The following CSN1S1 variants were observed in gnomAD, a reference collection of about 807,000 sequenced individuals.
CSN1S1 encodes the protein casein alpha s1, also known as alpha-S1-casein.
Under a neutral mutation model 49.1 loss-of-function variants are expected in CSN1S1, and 63 were observed. The observed-to-expected ratio is 1.28, with a 90% CI of 1.05 to 1.58. The LOEUF (loss-of-function observed/expected upper bound fraction) is 1.58. Ranked by LOEUF, CSN1S1 falls within the 40% of genes most tolerant of loss-of-function variation. The probability of loss-of-function intolerance (pLI) is 0.00; values close to 1 mark genes in which losing one functional copy is unlikely to be tolerated. For synonymous variants in CSN1S1, 78 were observed against 67.1 expected, an observed-to-expected ratio of 1.16 and a Z score of -0.79; for missense variants, 260 against 224.7, an observed-to-expected ratio of 1.16 and a Z score of -1.01.
rs1723171865 is a variant in CSN1S1, at chr4:69,946,512, T to C, written c.*316T>C. 5.8e-6 allele frequency: 1 copy of C among 172,380 alleles called. No individual in the cohort carries two copies. The highest frequency in any genetic ancestry group is 1.2e-5 in the Non-Finnish European group (1 of 81,770). The allele number at this position is 172,380 out of a possible 1,614,324, so 10.7% of individuals were successfully genotyped here. A position where few individuals can be genotyped will look rare whatever the true frequency, so the allele number is the denominator to read the frequency against. On this transcript the variant is annotated 3_prime_UTR_variant, in exon 16 of 16. Coordinates refer to ENST00000246891, the MANE Select transcript of CSN1S1 (RefSeq NM_001890.2). Reference sequence around the variant, plus strand: ...GTTCTGTAAGTGCCATCAATTAAAATAGTTTTGTGCAGTGACAGAGATTTT... The same window carrying C: ...GTTCTGTAAGTGCCATCAATTAAAACAGTTTTGTGCAGTGACAGAGATTTT...
chr4:69,937,665 T>C, intron 8 of CSN1S1, 135 bp from the exon 9 acceptor site: 1 of 662,678 alleles, frequency 1.5e-6, no homozygotes. Flanking sequence ...TAGGCAGTTT[T>C]TTTAGTTTTT....
intron 12 of CSN1S1, among the ~76,000 whole-genome samples, chr4:69,941,584 CA>C (rs1722968655): frequency 6.6e-6 from 1 of 151,832 alleles, no homozygotes; most frequent in South Asian, 2.1e-4. Flanking sequence ...TCAGTAACTA[CA>C]AACAAATTTG....
chr4:69,939,888 G>GT (rs1722918718), intron 10 of CSN1S1, 133 bp from the exon 11 acceptor site: 3 of 558,318 alleles, frequency 5.4e-6, no homozygotes, highest in Non-Finnish European at 9.5e-6. Context: ...TCTTGTCTCA[G>GT]TTTTTTGGGA....
intron 15 of CSN1S1, among the ~76,000 whole-genome samples, chr4:69,945,968 A>G (rs1723152351): frequency 1.3e-5 from 2 of 151,950 alleles, no homozygotes; most frequent in African/African-American, 4.8e-5. Context: ...GCATTGCCAT[A>G]TCTTCAGTAA....
intron 15 of CSN1S1, 112 bp from the exon 16 acceptor site, chr4:69,946,084 G>A (rs1229450381): frequency 2.9e-6 from 1 of 350,240 alleles, no homozygotes; most frequent in Non-Finnish European, 5.5e-6. Flanking sequence ...ATAACATTGT[G>A]AGCTTGTCTA....
intron 15 of CSN1S1, among the ~76,000 whole-genome samples, chr4:69,945,775 A>G (rs569476903): frequency 2.6e-5 from 4 of 151,976 alleles, no homozygotes; most frequent in Admixed American, 2.6e-4. Context: ...ATAAAGTGTT[A>G]GTCTGTCAAC....
At chr4:69,934,566 G>T in intron 3 of CSN1S1, 124 bp from the exon 4 acceptor site, 1 of 814,216 alleles carries the variant, frequency 1.2e-6, no homozygotes. Flanking sequence ...TTACAGTTTG[G>T]TCTCATTTGA....
At chr4:69,942,232 T>C (rs1722992625) in intron 13 of CSN1S1, among the ~76,000 whole-genome samples, 169 bp downstream of exon 13, 1 of 151,946 alleles carries the variant, frequency 6.6e-6, no homozygotes, top group Admixed American at 6.6e-5. Context: ...AAATAATTAA[T>C]AAATAGCCAT....
rs763454822 is a variant in CSN1S1, at chr4:69,939,169, CT to C, written c.244-3del. 2 of 1,595,372 alleles carry C rather than the reference CT, an allele frequency of 1.3e-6. No homozygotes were observed. The highest frequency in any genetic ancestry group is 4.5e-5 in the East Asian group (2 of 44,520). ...GGGATAATTAACACTAGATTTCTTTCTTTTAGAAGATGGAATCCAGCATCAG... is the reference window on the plus strand; with the variant it reads ...GGGATAATTAACACTAGATTTCTTTCTTTAGAAGATGGAATCCAGCATCAG... On this transcript the variant is annotated splice_polypyrimidine_tract_variant and splice_region_variant and intron_variant, in intron 9 of 15. Transcript: ENST00000246891.
chr4:69,943,769 C>CA (rs1477676523), intron 14 of CSN1S1, among the ~76,000 whole-genome samples: 1 of 151,722 alleles, frequency 6.6e-6, no homozygotes, highest in African/African-American at 2.4e-5. Context: ...GGTGGAAGAG[C>CA]AAAAAAGAAT....
At chr4:69,932,064 G>A (rs1330180552) in intron 1 of CSN1S1, among the ~76,000 whole-genome samples, 2 of 151,796 alleles carry the variant, frequency 1.3e-5, no homozygotes, top group African/African-American at 4.8e-5. Flanking sequence ...AGAAAAGAAT[G>A]CTCTCAAATA....
intron 4 of CSN1S1, among the ~76,000 whole-genome samples, chr4:69,934,963 G>T (rs72852679): frequency 1.3e-5 from 2 of 152,030 alleles, no homozygotes; most frequent in Admixed American, 6.6e-5. Flanking sequence ...AGGTGTAGGT[G>T]TTCTTTAGAT....
chr4:69,942,667 A>AT, intron 14 of CSN1S1, 90 bp downstream of exon 14: 2 of 1,017,256 alleles, frequency 2.0e-6, no homozygotes, highest in Admixed American at 2.5e-5. Context: ...TCTTGAAGAG[A>AT]TTTTTTTCTT....
chr4:69,937,274 A>G, intron 8 of CSN1S1, 130 bp downstream of exon 8: 1 of 683,360 alleles, frequency 1.5e-6, no homozygotes, highest in Non-Finnish European at 2.4e-6. Flanking sequence ...GAAAAGAAAT[A>G]GTGTATCATA....
intron 9 of CSN1S1, among the ~76,000 whole-genome samples, chr4:69,938,516 C>T (rs1722872265): frequency 6.6e-6 from 1 of 151,522 alleles, no homozygotes; most frequent in African/African-American, 2.4e-5. Flanking sequence ...ACTACCTACT[C>T]TACAATTATA....
intron 1 of CSN1S1, 89 bp from the exon 2 acceptor site, chr4:69,932,455 G>T (rs1055330552): frequency 9.4e-7 from 1 of 1,062,380 alleles, no homozygotes; most frequent in African/African-American, 1.6e-5. Context: ...ATCATAATTT[G>T]CTCCTTTGTT....
At chr4:69,936,516 G>C in intron 6 of CSN1S1, 37 bp downstream of exon 6, 4 of 1,592,042 alleles carry the variant, frequency 2.5e-6, no homozygotes. Flanking sequence ...TATGTTAAAA[G>C]TTTGTTTTCA....
Position 69,932,921 on chromosome 4 carries a change from G to C in CSN1S1, c.51+315G>C, listed in dbSNP as rs543205332. ...CATAATAAATAGCAACAAACAATGT[G>C]ATTAGGCCTGTTCCTTGAGTCTACT... On this transcript the variant is annotated intron_variant, in intron 2 of 15. Coordinates refer to ENST00000246891, the MANE Select transcript of CSN1S1 (RefSeq NM_001890.2). Among the ~76,000 whole-genome samples the C allele has an allele frequency of 3.3e-5, 5 of 152,080 alleles. No individual in the cohort carries two copies. In the South Asian group the frequency reaches 6.2e-4, roughly 19 times the overall value.
intron 9 of CSN1S1, 27 bp from the exon 10 acceptor site, chr4:69,939,149 A>G (rs1298756777): frequency 6.4e-7 from 1 of 1,566,710 alleles, no homozygotes; most frequent in Non-Finnish European, 8.7e-7. Context: ...CCCAGGGGAT[A>G]ATTAACACTA....
Sources: allele counts gnomAD v4.1 joint callset (sites outside exome capture counted in the v4.1 genomes callset), GRCh38; gene constraint gnomAD v4.1.1; transcripts MANE v1.5; gene names NCBI Gene and HGNC (gene_info 2026-07-23, HGNC 2026-07-21).